Variants in NUP133 observed in about 807,000 individuals in gnomAD.
The protein encoded by NUP133 is nuclear pore complex protein Nup133.
Under a neutral mutation model 146.2 loss-of-function variants are expected in NUP133, and 66 were observed. That is an observed-to-expected ratio of 0.45 (90% CI 0.37 to 0.55). NUP133 has a LOEUF of 0.55. NUP133 is among the 20% of genes least tolerant of loss of function. The pLI, the probability that NUP133 is intolerant of heterozygous loss-of-function variation, is 0.00. For synonymous variants in NUP133, 521 were observed against 498.8 expected, an observed-to-expected ratio of 1.04 and a Z score of -0.59; for missense variants, 1,277 against 1,374.8, an observed-to-expected ratio of 0.93 and a Z score of 1.12.
At position 229,444,944 on chromosome 1, in the gene NUP133, CA is replaced by C; in HGVS notation, c.3303del (p.Phe1101LeufsTer2). ...DPIEVSKDSI[F>X]VKILQKLLKD... ...TTTAAAAGTTTCTGTAAGATCTTCA[CA>C]AATATACTGTCTTTAGATACTTCAA... On this transcript the variant is annotated frameshift_variant, in exon 25 of 26. Coordinates refer to ENST00000261396, the MANE Select transcript of NUP133 (RefSeq NM_018230.3). LOFTEE classifies it high-confidence loss of function. The C allele has an allele frequency of 6.2e-7, 1 of 1,611,690 alleles. No individual in the cohort carries two copies. Among genetic ancestry groups the C allele is most frequent in the Non-Finnish European group, 8.5e-7 (1 of 1,178,440 alleles).
intron 16 of NUP133, 141 bp from the exon 17 acceptor site, chr1:229,465,660 T>A: frequency 1.5e-6 from 1 of 677,440 alleles, no homozygotes; most frequent in Non-Finnish European, 2.6e-6. Flanking sequence ...GTAATCCCAG[T>A]GCTTTGGGAG....
intron 24 of NUP133, among the ~76,000 whole-genome samples, chr1:229,445,227 C>T (rs761607913): frequency 9.9e-5 from 15 of 152,010 alleles, no homozygotes; most frequent in South Asian, 6.2e-4. Context: ...ATGCAAGAGA[C>T]GCCAAGGAAA....
At chr1:229,458,589 T>C (rs1346493415) in intron 20 of NUP133, among the ~76,000 whole-genome samples, 1 of 152,208 alleles carries the variant, frequency 6.6e-6, no homozygotes, top group Non-Finnish European at 1.5e-5. Flanking sequence ...TTAATTTGTA[T>C]GTTTTTACTC....
Position 229,441,922 on chromosome 1 carries a change from A to G in NUP133, c.3453T>C (p.Tyr1151=), listed in dbSNP as rs1660191879. The G allele has an allele frequency of 1.3e-6, 2 of 1,580,248 alleles. No homozygotes were observed. Among genetic ancestry groups the G allele is most frequent in the Non-Finnish European group, 1.7e-6 (2 of 1,169,902 alleles). The change falls in exon 26 of 26, where the codon TAT becomes TAC. Residue 1151 remains tyrosine, a synonymous_variant. Transcript: ENST00000261396. ...EFVLKANYEY[Y]VQGQI The stretch of plus-strand genomic sequence containing the variant: ...GAAAAAGTTATATTTGTCCCTGAAC[A>G]TAATATTCATAATTTGCTTTCAAAA...
At chr1:229,494,417 G>A (rs1161058429) in intron 8 of NUP133, among the ~76,000 whole-genome samples, 2 of 152,132 alleles carry the variant, frequency 1.3e-5, no homozygotes, top group Non-Finnish European at 2.9e-5. Context: ...CAAGGAACAC[G>A]TAGAATTTGT....
intron 14 of NUP133, among the ~76,000 whole-genome samples, chr1:229,471,978 A>T (rs1660966563): frequency 6.6e-6 from 1 of 152,210 alleles, no homozygotes; most frequent in Non-Finnish European, 1.5e-5. Flanking sequence ...TAAGAGTTAC[A>T]TGGTCTTTCC....
rs186569720 is a variant in NUP133, at chr1:229,472,480, T to C, written c.1852-1676A>G. Reference sequence around the variant, plus strand: ...GGCTCACACCTGTAATCCCAGCACTTTGGGAGGCAGAAGCAGGCGATCACC... The same window carrying C: ...GGCTCACACCTGTAATCCCAGCACTCTGGGAGGCAGAAGCAGGCGATCACC... On this transcript the variant is annotated intron_variant, in intron 14 of 25. Coordinates refer to ENST00000261396, the MANE Select transcript of NUP133 (RefSeq NM_018230.3). Among the ~76,000 whole-genome samples, 406 of 151,702 alleles carry C rather than the reference T, an allele frequency of 2.7e-3. 3 individuals carry two copies. Among genetic ancestry groups the C allele is most frequent in the Middle Eastern group, 0.014 (4 of 292 alleles).
At chr1:229,470,169 T>C (rs545950620) in intron 15 of NUP133, among the ~76,000 whole-genome samples, 2 of 150,538 alleles carry the variant, frequency 1.3e-5, no homozygotes, top group South Asian at 4.2e-4. Context: ...TCAAACCCCA[T>C]CTCTACTAAA....
At chr1:229,464,952 A>G in intron 17 of NUP133, 77 bp from the exon 18 acceptor site, 1 of 1,531,864 alleles carries the variant, frequency 6.5e-7, no homozygotes, top group Non-Finnish European at 8.9e-7. Context: ...TAGCATAAAA[A>G]TTATGCCTCT....
chr1:229,449,103 G>C (rs1175362270), intron 24 of NUP133, 23 bp downstream of exon 24: 2 of 1,586,168 alleles, frequency 1.3e-6, no homozygotes, highest in Non-Finnish European at 1.7e-6. Flanking sequence ...ACTTTCCAAA[G>C]AAGCAATGCC....
Position 229,475,859 on chromosome 1 carries a change from G to C in NUP133, c.1757-127C>G, listed in dbSNP as rs12066147. 3.0e-5 allele frequency: 21 copies of C among 694,204 alleles called. No homozygotes were observed. In the African/African-American group the frequency reaches 3.2e-4, roughly 11 times the overall value. 43.0% of individuals were successfully genotyped at this position (694,204 alleles called of 1,614,324 possible). A position where few individuals can be genotyped will look rare whatever the true frequency, so the allele number is the denominator to read the frequency against. ...GCACGGTGGCTCACACCTGTAATCC[G>C]AGCACTTTGGGAGGTCGAGGTGGGC... On this transcript the variant is annotated intron_variant, in intron 13 of 25. Transcript: ENST00000261396.
Position 229,487,587 on chromosome 1 carries a change from C to A in NUP133, c.1221G>T (p.Leu407Phe), listed in dbSNP as rs78087837. 1 of 1,611,824 alleles carries A rather than the reference C, an allele frequency of 6.2e-7. No individual in the cohort carries two copies. Among genetic ancestry groups the A allele is most frequent in the Non-Finnish European group, 8.5e-7 (1 of 1,179,424 alleles). ...FQSEDLILCQ[L>F]TVPNFSNQTA... Reference sequence around the variant, plus strand: ...TCTGGTTTGAAAAGTTTGGGACCGTCAACTGACACAAAATCAGGTCTTCAG... The same window carrying A: ...TCTGGTTTGAAAAGTTTGGGACCGTAAACTGACACAAAATCAGGTCTTCAG... The change falls in exon 10 of 26, where the codon TTG becomes TTT. Residue 407 changes from leucine (L) to phenylalanine (F), a missense_variant. Physicochemically the swap from Leu to Phe is conservative, Grantham distance 22. This residue lies in a region of NUP133 where 952 missense variants were observed against 1,047.0 expected (regional missense o/e 0.91). Coordinates refer to ENST00000261396, the MANE Select transcript of NUP133 (RefSeq NM_018230.3).
Position 229,477,578 on chromosome 1 carries a change from A to G in NUP133, c.1756+19T>C. On this transcript the variant is annotated intron_variant, in intron 13 of 25. Transcript: ENST00000261396. ...GAATATGTTCAAAACACACCGTTCC[A>G]TAATTGAAACATTCTTACCCTCAGG... 6.3e-7 allele frequency: 1 copy of G among 1,584,026 alleles called. No individual in the cohort carries two copies. Among genetic ancestry groups the G allele is most frequent in the Non-Finnish European group, 8.6e-7 (1 of 1,161,644 alleles).
chr1:229,446,367 C>T (rs1490433007), intron 24 of NUP133, among the ~76,000 whole-genome samples: 1 of 152,042 alleles, frequency 6.6e-6, no homozygotes, highest in East Asian at 1.9e-4. Flanking sequence ...CGAGATTGAG[C>T]CACTGCACTC....
intron 6 of NUP133, 126 bp from the exon 7 acceptor site, chr1:229,496,173 A>G: frequency 1.3e-6 from 1 of 790,738 alleles, no homozygotes; most frequent in Non-Finnish European, 1.8e-6. Context: ...TTTGGGATTT[A>G]AAGAAAGTAG....
intron 8 of NUP133, among the ~76,000 whole-genome samples, chr1:229,490,401 TAAA>T (rs201590753): frequency 2.1e-4 from 27 of 127,462 alleles, no homozygotes; most frequent in African/African-American, 6.4e-4. Context: ...TATTCAGTAG[TAAA>T]AAAAAAAAAA....
chr1:229,480,854 T>C (rs1217767594), intron 12 of NUP133, among the ~76,000 whole-genome samples: 3 of 96,034 alleles, frequency 3.1e-5, no homozygotes, highest in African/African-American at 6.9e-5. Context: ...ACCCAGCTAT[T>C]TTTTTTTTTT....
chr1:229,489,917 A>G lies in NUP133; in HGVS notation c.1194+38T>C, dbSNP rs552118757. On this transcript the variant is annotated intron_variant, in intron 9 of 25. Transcript: ENST00000261396. ...TGAAATGGTTAGAAAAATACTCAACATATTATTGCTTTGTAATTTAACCAA... is the reference window on the plus strand; with the variant it reads ...TGAAATGGTTAGAAAAATACTCAACGTATTATTGCTTTGTAATTTAACCAA... 13 of 1,496,758 alleles carry G rather than the reference A, an allele frequency of 8.7e-6. No individual in the cohort carries two copies. The South Asian group carries it at 1.5e-4, about 17-fold the overall frequency. The allele number at this position is 1,496,758 out of a possible 1,614,324, so 92.7% of individuals were successfully genotyped here.
intron 9 of NUP133, among the ~76,000 whole-genome samples, chr1:229,488,676 TCA>T (rs1661423473): frequency 1.4e-5 from 2 of 141,324 alleles, no homozygotes; most frequent in Non-Finnish European, 1.5e-5. Flanking sequence ...AGAGTAAGGA[TCA>T]AAAAAAAAAA....
Sources: gnomAD v4.1 joint callset for allele counts (sites outside exome capture counted in the v4.1 genomes callset) on GRCh38, gnomAD v4.1.1 for gene constraint, gnomAD v4.1.1 regional missense constraint, MANE v1.5 for transcripts, NCBI Gene and HGNC (gene_info 2026-07-23, HGNC 2026-07-21) for gene names.